The following SLC10A7 variants were observed in gnomAD, a reference collection of about 807,000 sequenced individuals.
SLC10A7 encodes the protein sodium/bile acid cotransporter 7.
SLC10A7 carries 29 observed loss-of-function variants against 43.2 expected under a neutral mutation model. That is an observed-to-expected ratio of 0.67 (90% CI 0.50 to 0.92). SLC10A7 has a LOEUF of 0.92. SLC10A7 is among the 40% of genes least tolerant of loss of function. SLC10A7 has a pLI of 0.00. For missense variants in SLC10A7, 295 were observed against 403.2 expected (o/e 0.73, Z 2.30); for synonymous variants, 152 against 144.8 (o/e 1.05, Z -0.35).
At chr4:146,460,818 C>CA (rs2149935758) in intron 4 of SLC10A7, among the ~76,000 whole-genome samples, 1 of 151,856 alleles carries the variant, frequency 6.6e-6, no homozygotes, top group Non-Finnish European at 1.5e-5. Context: ...ATTATATACA[C>CA]AAAAATCTCA....
intron 4 of SLC10A7, among the ~76,000 whole-genome samples, chr4:146,475,979 T>A (rs1287143736): frequency 6.6e-6 from 1 of 152,148 alleles, no homozygotes; most frequent in African/African-American, 2.4e-5. Flanking sequence ...GCTAAAGGTG[T>A]TTTTAGAAAG....
intron 4 of SLC10A7, among the ~76,000 whole-genome samples, chr4:146,479,942 A>G (rs1328236506): frequency 6.6e-6 from 1 of 152,174 alleles, no homozygotes; most frequent in East Asian, 1.9e-4. Context: ...TCAAAAAACA[A>G]ACAAAAAAAG....
intron 5 of SLC10A7, chr4:146,441,779 C>T: frequency 2.0e-6 from 2 of 985,226 alleles, no homozygotes; most frequent in Non-Finnish European, 2.4e-6. Context: ...GCAGATGCTA[C>T]ATCATTATAA....
intron 5 of SLC10A7, among the ~76,000 whole-genome samples, chr4:146,334,028 G>T (rs967792275): frequency 6.6e-6 from 1 of 152,060 alleles, no homozygotes; most frequent in African/African-American, 2.4e-5. Flanking sequence ...TGTGGGGAGA[G>T]TGTCAAAACA....
rs570210115 is a variant in SLC10A7, at chr4:146,521,912, T to C, written c.-195A>G. The C allele has an allele frequency of 2.1e-5, 11 of 530,882 alleles. No individual in the cohort carries two copies. The highest frequency in any genetic ancestry group is 1.3e-4 in the East Asian group (4 of 31,018). The allele number at this position is 530,882 out of a possible 1,614,324, so 32.9% of individuals were successfully genotyped here. On this transcript the variant is annotated 5_prime_UTR_variant, in exon 1 of 12. Coordinates refer to ENST00000335472, the MANE Select transcript of SLC10A7 (RefSeq NM_001029998.6). The stretch of plus-strand genomic sequence containing the variant: ...CTTTGAGGAGGGTTGGGAGTAGTAG[T>C]AGCCAGTGACAGGAAAGTCTCACTG...
At chr4:146,515,006 A>T in intron 2 of SLC10A7, 1 of 622,920 alleles carries the variant, frequency 1.6e-6, no homozygotes, top group Non-Finnish European at 2.9e-6. Context: ...TTAGATCCAA[A>T]TTAGCTGGAT....
At chr4:146,513,739 T>C (rs1737691776) in intron 2 of SLC10A7, among the ~76,000 whole-genome samples, 1 of 152,210 alleles carries the variant, frequency 6.6e-6, no homozygotes, top group Non-Finnish European at 1.5e-5. Flanking sequence ...ATATTTTCCA[T>C]ATCTTCTGCA....
At chr4:146,472,255 T>G (rs1325764198) in intron 4 of SLC10A7, among the ~76,000 whole-genome samples, 1 of 152,030 alleles carries the variant, frequency 6.6e-6, no homozygotes, top group African/African-American at 2.4e-5. Flanking sequence ...GAAAAACACT[T>G]CCATGTACGG....
chr4:146,327,877 C>T (rs931432547), intron 5 of SLC10A7, among the ~76,000 whole-genome samples: 17 of 152,012 alleles, frequency 1.1e-4, no homozygotes, highest in African/African-American at 3.9e-4. Flanking sequence ...TCTGCCTGCA[C>T]TGGCACATGT....
intron 5 of SLC10A7, among the ~76,000 whole-genome samples, chr4:146,360,461 G>A (rs1002546190): frequency 1.2e-4 from 18 of 151,874 alleles, no homozygotes; most frequent in African/African-American, 4.4e-4. Flanking sequence ...TAATCTCTGA[G>A]ACAGGGTCTT....
chr4:146,319,196 C>A (rs192131484), intron 6 of SLC10A7, among the ~76,000 whole-genome samples: 1 of 152,186 alleles, frequency 6.6e-6, no homozygotes, highest in Admixed American at 6.5e-5. Context: ...CTGTCTCTGA[C>A]ATCATCTTAA....
At chr4:146,367,653 T>C (rs1398949237) in intron 5 of SLC10A7, among the ~76,000 whole-genome samples, 1 of 152,168 alleles carries the variant, frequency 6.6e-6, no homozygotes, top group African/African-American at 2.4e-5. Context: ...ATTTAAAATA[T>C]AAATTGTGAG....
chr4:146,451,769 G>A (rs1047252748), intron 4 of SLC10A7, among the ~76,000 whole-genome samples: 4 of 152,058 alleles, frequency 2.6e-5, no homozygotes, highest in African/African-American at 9.7e-5. Context: ...CAAAAGAAAA[G>A]CTAGGGATTT....
At chr4:146,312,088 G>A (rs985943512) in intron 6 of SLC10A7, among the ~76,000 whole-genome samples, 5 of 152,230 alleles carry the variant, frequency 3.3e-5, no homozygotes, top group African/African-American at 1.2e-4. Context: ...CATGCATCAA[G>A]CTAAAATTGG....
intron 5 of SLC10A7, among the ~76,000 whole-genome samples, chr4:146,356,387 A>T (rs1317049312): frequency 1.3e-5 from 2 of 152,164 alleles, no homozygotes; most frequent in African/African-American, 4.8e-5. Context: ...GGGTCATATG[A>T]CTACTGAGAG....
intron 4 of SLC10A7, among the ~76,000 whole-genome samples, chr4:146,444,666 G>T (rs772029292): frequency 1.1e-4 from 17 of 152,114 alleles, no homozygotes; most frequent in South Asian, 2.1e-4. Flanking sequence ...ACAGTGACGG[G>T]TATATTAGGT....
chr4:146,268,847 G>A (rs1728723382), intron 10 of SLC10A7, among the ~76,000 whole-genome samples: 1 of 152,084 alleles, frequency 6.6e-6, no homozygotes, highest in African/African-American at 2.4e-5. Flanking sequence ...ATTTGTCAGG[G>A]TACTTAGGAA....
rs1015095850 is a variant in SLC10A7 at position 146,254,748 on chromosome 4, T to G, written c.*1743A>C. On this transcript the variant is annotated 3_prime_UTR_variant, in exon 12 of 12. Transcript: ENST00000335472. ...CAGACACTTCCATTTACTCCAAAATTCAAAGAAACTTGTAGGAACAAAACC... is the reference window on the plus strand; with the variant it reads ...CAGACACTTCCATTTACTCCAAAATGCAAAGAAACTTGTAGGAACAAAACC... 6.6e-6 allele frequency: 1 copy of G among 152,176 alleles called. No homozygotes were observed. The highest frequency in any genetic ancestry group is 6.5e-5 in the Admixed American group (1 of 15,272). 9.4% of individuals were successfully genotyped at this position (152,176 alleles called of 1,614,324 possible).
chr4:146,464,763 AG>A (rs908636173), intron 4 of SLC10A7, among the ~76,000 whole-genome samples: 5 of 152,150 alleles, frequency 3.3e-5, no homozygotes, highest in African/African-American at 9.6e-5. Context: ...AAATAAAAAA[AG>A]ACATTTATGT....
Sources: gnomAD v4.1 joint callset for allele counts (sites outside exome capture counted in the v4.1 genomes callset) on GRCh38, gnomAD v4.1.1 for gene constraint, MANE v1.5 for transcripts, NCBI Gene and HGNC (gene_info 2026-07-23, HGNC 2026-07-21) for gene names.